Variants in CAMTA1 observed in about 807,000 individuals in gnomAD.
CAMTA1 encodes the protein calmodulin-binding transcription activator 1.
CAMTA1 carries 27 observed loss-of-function variants against 170.9 expected under a neutral mutation model. The ratio of observed to expected loss-of-function variants is 0.16; its 90% CI spans 0.12 to 0.22. The LOEUF is 0.22. CAMTA1 is among the 10% of genes least tolerant of loss of function. The probability of loss-of-function intolerance (pLI) is 1.00; values close to 1 mark genes in which losing one functional copy is unlikely to be tolerated. For missense variants in CAMTA1, 1,619 were observed against 2,217.2 expected, an observed-to-expected ratio of 0.73 and a Z score of 5.42; for synonymous variants, 833 against 891.5, an observed-to-expected ratio of 0.93 and a Z score of 1.17.
chr1:7,730,368 C>G (rs2096722586), intron 11 of CAMTA1, among the ~76,000 whole-genome samples: 2 of 152,176 alleles, frequency 1.3e-5, no homozygotes, highest in Non-Finnish European at 2.9e-5. Flanking sequence ...AGCCCTGCCT[C>G]AGGGCCTTCG....
At chr1:7,398,739 T>C (rs930607071) in intron 5 of CAMTA1, among the ~76,000 whole-genome samples, 4 of 152,138 alleles carry the variant, frequency 2.6e-5, no homozygotes, top group African/African-American at 9.7e-5. Context: ...ATTGTTTACC[T>C]TTGAGGTTTG....
chr1:7,218,244 G>C (rs998739787), intron 4 of CAMTA1, among the ~76,000 whole-genome samples: 1 of 152,158 alleles, frequency 6.6e-6, no homozygotes, highest in African/African-American at 2.4e-5. Flanking sequence ...GCATCGTTGA[G>C]GTTTTTAATT....
intron 3 of CAMTA1, among the ~76,000 whole-genome samples, chr1:6,955,311 C>T (rs983577727): frequency 1.1e-4 from 17 of 152,304 alleles, no homozygotes; most frequent in African/African-American, 3.8e-4. Flanking sequence ...CTCACCCCTC[C>T]ACTCCTCTTC....
intron 4 of CAMTA1, among the ~76,000 whole-genome samples, chr1:7,223,426 A>G (rs1431058404): frequency 1.3e-5 from 2 of 151,942 alleles, no homozygotes; most frequent in African/African-American, 2.4e-5. Flanking sequence ...GTAGGTGCTA[A>G]CAGGGAGAGT....
intron 3 of CAMTA1, among the ~76,000 whole-genome samples, chr1:6,960,006 T>C (rs1445754845): frequency 1.3e-5 from 2 of 152,210 alleles, no homozygotes; most frequent in Non-Finnish European, 2.9e-5. Flanking sequence ...AACCCTGTGA[T>C]TCCATTTTAC....
intron 4 of CAMTA1, among the ~76,000 whole-genome samples, chr1:7,168,683 C>T (rs1010950479): frequency 5.3e-5 from 8 of 152,218 alleles, no homozygotes; most frequent in East Asian, 1.9e-4. Flanking sequence ...GGATTACAGG[C>T]GTGAGCTACT....
At chr1:7,079,389 A>G (rs1302848313) in intron 3 of CAMTA1, among the ~76,000 whole-genome samples, 2 of 152,224 alleles carry the variant, frequency 1.3e-5, no homozygotes, top group African/African-American at 4.8e-5. Flanking sequence ...GAGAAGCTCA[A>G]CACACCCCAA....
chr1:6,841,351 T>A (rs1399181667), intron 3 of CAMTA1, among the ~76,000 whole-genome samples: 1 of 152,190 alleles, frequency 6.6e-6, no homozygotes, highest in Non-Finnish European at 1.5e-5. Flanking sequence ...TTAGGGTGTG[T>A]ATATCTTTGG....
chr1:7,217,750 T>G (rs1270804852), intron 4 of CAMTA1, among the ~76,000 whole-genome samples: 1 of 152,194 alleles, frequency 6.6e-6, no homozygotes, highest in African/African-American at 2.4e-5. Flanking sequence ...ATGGAGTCTC[T>G]TGACTCCTAC....
chr1:7,200,214 ACT>A (rs1038428927), intron 4 of CAMTA1, among the ~76,000 whole-genome samples: 1 of 151,930 alleles, frequency 6.6e-6, no homozygotes, highest in Admixed American at 6.6e-5. Flanking sequence ...ACATTTTAAC[ACT>A]CTTTTGAAAT....
intron 3 of CAMTA1, among the ~76,000 whole-genome samples, chr1:6,836,652 G>A (rs12060382): frequency 0.066 from 10,054 of 152,226 alleles, 377 homozygotes; most frequent in Middle Eastern, 0.099. Context: ...TGGGGCGTCT[G>A]CGGTAGCACC....
At chr1:7,380,734 T>C (rs2087232628) in intron 5 of CAMTA1, among the ~76,000 whole-genome samples, 1 of 152,218 alleles carries the variant, frequency 6.6e-6, no homozygotes, top group South Asian at 2.1e-4. Flanking sequence ...GGAGCCAAGA[T>C]AACAAACAGT....
intron 3 of CAMTA1, among the ~76,000 whole-genome samples, chr1:7,002,309 C>T (rs566300871): frequency 2.0e-5 from 3 of 152,212 alleles, no homozygotes; most frequent in Admixed American, 6.5e-5. Flanking sequence ...CTGTGGGATA[C>T]GGGAGTCAGG....
chr1:7,541,063 C>T (rs545974419), intron 6 of CAMTA1, among the ~76,000 whole-genome samples: 1 of 152,346 alleles, frequency 6.6e-6, no homozygotes, highest in South Asian at 2.1e-4. Context: ...GGGGGCTGTG[C>T]TGGGCAGGAC....
In CAMTA1 at chr1:7,064,942, C is replaced by T. The variant is rs11587771; in HGVS notation, c.235-26362C>T. Among the ~76,000 whole-genome samples, 1 of 151,956 alleles carries T rather than the reference C, an allele frequency of 6.6e-6. No homozygotes were observed. Among genetic ancestry groups the T allele is most frequent in the Admixed American group, 6.5e-5 (1 of 15,270 alleles). ...AGAAGAGGACAGCTTGGGGATGTCC[C>T]TCAGAGTTAGAACCAACAGAGTTTG... On this transcript the variant is annotated intron_variant, in intron 3 of 22. Coordinates refer to ENST00000303635, the MANE Select transcript of CAMTA1 (RefSeq NM_015215.4). The surrounding 1 kb of genome is among the most constrained non-coding windows in gnomAD (Gnocchi z 5.4).
intron 7 of CAMTA1, among the ~76,000 whole-genome samples, chr1:7,646,747 GGTGAGTGGGGTGGAGGCCACA>G (rs1231580434): frequency 6.6e-5 from 10 of 151,276 alleles, no homozygotes; most frequent in African/African-American, 2.0e-4. Flanking sequence ...TGGAGGCCAT[GGTGAGTGGGGTGGAGGCCACA>G]GTGAGTTGGA....
intron 1 of CAMTA1, among the ~76,000 whole-genome samples, chr1:6,792,663 C>T (rs1240717181): frequency 6.6e-6 from 1 of 151,988 alleles, no homozygotes; most frequent in Non-Finnish European, 1.5e-5. Flanking sequence ...AAAGGTTCCT[C>T]CATATTCAAC....
At chr1:7,420,762 C>T (rs908717363) in intron 5 of CAMTA1, among the ~76,000 whole-genome samples, 4 of 152,222 alleles carry the variant, frequency 2.6e-5, no homozygotes, top group East Asian at 1.9e-4. Context: ...CAGACAGAAC[C>T]GTTCAAGTAC....
At chr1:7,226,389 AG>A (rs1661695762) in intron 4 of CAMTA1, among the ~76,000 whole-genome samples, 1 of 152,172 alleles carries the variant, frequency 6.6e-6, no homozygotes, top group East Asian at 1.9e-4. Context: ...GGTGCAGAGC[AG>A]GTGCCCCGTG....
Sources: allele counts gnomAD v4.1 joint callset (sites outside exome capture counted in the v4.1 genomes callset), GRCh38; gene constraint gnomAD v4.1.1; non-coding constraint Gnocchi (gnomAD v3.1); transcripts MANE v1.5; gene names NCBI Gene and HGNC (gene_info 2026-07-23, HGNC 2026-07-21).